The following SLC9A4 variants were observed in gnomAD, a reference collection of about 807,000 sequenced individuals.
The protein encoded by SLC9A4 is solute carrier family 9 member A4.
Under a neutral mutation model 67.4 loss-of-function variants are expected in SLC9A4, and 63 were observed. The ratio of observed to expected loss-of-function variants is 0.93; its 90% CI spans 0.76 to 1.15. The LOEUF (loss-of-function observed/expected upper bound fraction) is 1.15, where lower values mean the gene tolerates loss of function less well. Among genes scored for constraint, SLC9A4 ranks in the 50% most tolerant of loss-of-function variants. The pLI, the probability that SLC9A4 is intolerant of heterozygous loss-of-function variation, is 0.00. For missense variants in SLC9A4, 1,089 were observed against 987.7 expected, an observed-to-expected ratio of 1.10 and a Z score of -1.38; for synonymous variants, 393 against 367.2, an observed-to-expected ratio of 1.07 and a Z score of -0.80.
chr2:102,512,249 G>A lies in SLC9A4; in HGVS notation c.1535G>A (p.Trp512Ter). Residue 512 changes from tryptophan to a stop codon, truncating the protein, a stop_gained, in exon 7 of 12, where the codon TGG becomes TAG. Transcript: ENST00000295269. LOFTEE classifies it high-confidence loss of function. ...KAGIEDVCGHWSHYQVRDKFK... is the reference protein window; with the variant it reads ...KAGIEDVCGH ...GGAATCGAAGATGTGTGTGGGCACT[G>A]GAGTCACTACCAAGTGAGAGACAAG... is the stretch of plus-strand genomic sequence containing the variant. 1.2e-6 allele frequency: 2 copies of A among 1,614,088 alleles called. No individual in the cohort carries two copies. The highest frequency in any genetic ancestry group is 1.7e-6 in the Non-Finnish European group (2 of 1,179,990).
rs1685017711 is a variant in SLC9A4 at position 102,504,925 on chromosome 2, G to C, written c.981-329G>C. Reference sequence around the variant, plus strand: ...GGTTTAAGGCAGAGTAACGCAGAGAGTGTGAGTTGGGACTGACAAACTCTT... The same window carrying C: ...GGTTTAAGGCAGAGTAACGCAGAGACTGTGAGTTGGGACTGACAAACTCTT... On this transcript the variant is annotated intron_variant, in intron 3 of 11. Transcript: ENST00000295269. Among the ~76,000 whole-genome samples the C allele has an allele frequency of 2.5e-5, 3 of 119,504 alleles. No homozygotes were observed. In the Admixed American group the frequency reaches 2.7e-4, roughly 11 times the overall value. The allele number at this position is 119,504 out of a possible 152,430, so 78.4% of individuals were successfully genotyped here.
chr2:102,513,294 A>G (rs915485444), intron 7 of SLC9A4, among the ~76,000 whole-genome samples: 1 of 152,232 alleles, frequency 6.6e-6, no homozygotes, highest in Non-Finnish European at 1.5e-5. Flanking sequence ...CTCACAGACC[A>G]GGAAACCAAT....
intron 8 of SLC9A4, among the ~76,000 whole-genome samples, chr2:102,517,527 G>C (rs1328704252): frequency 2.0e-5 from 3 of 152,140 alleles, no homozygotes; most frequent in African/African-American, 7.2e-5. Context: ...AATAAGCTCT[G>C]GTGGTTGATA....
intron 2 of SLC9A4, among the ~76,000 whole-genome samples, chr2:102,483,799 CATATATAT>C (rs61195337): frequency 0.41 from 46,736 of 114,210 alleles, 10,490 homozygotes; most frequent in Admixed American, 0.54. Flanking sequence ...CCATGTACAG[CATATATAT>C]ATATATATAT....
intron 5 of SLC9A4, among the ~76,000 whole-genome samples, 180 bp downstream of exon 5, chr2:102,508,461 C>T (rs76746266): frequency 0.15 from 23,209 of 152,004 alleles, 2,055 homozygotes; most frequent in African/African-American, 0.24. Flanking sequence ...AAATGTATTG[C>T]CTTTTAATCA....
chr2:102,496,238 A>T (rs758417932), intron 2 of SLC9A4, among the ~76,000 whole-genome samples: 2 of 152,240 alleles, frequency 1.3e-5, no homozygotes, highest in Non-Finnish European at 2.9e-5. Flanking sequence ...ACCATAAAAG[A>T]TGATATACTC....
At chr2:102,496,128 A>G (rs1328297433) in intron 2 of SLC9A4, among the ~76,000 whole-genome samples, 3 of 152,242 alleles carry the variant, frequency 2.0e-5, no homozygotes, top group African/African-American at 7.2e-5. Flanking sequence ...TGCATTTCAC[A>G]AAAGACATAG....
intron 8 of SLC9A4, 54 bp downstream of exon 8, chr2:102,514,305 C>A: frequency 1.5e-6 from 2 of 1,334,876 alleles, no homozygotes; most frequent in South Asian, 1.3e-5. Context: ...TTCCAAGGGG[C>A]GCTGACTCAT....
chr2:102,490,020 C>T (rs1684663485), intron 2 of SLC9A4, among the ~76,000 whole-genome samples: 1 of 150,856 alleles, frequency 6.6e-6, no homozygotes, highest in Admixed American at 6.6e-5. Flanking sequence ...TTATGATATT[C>T]TTTGCATTTT....
At chr2:102,496,732 A>G (rs1684817778) in intron 2 of SLC9A4, among the ~76,000 whole-genome samples, 7 of 152,244 alleles carry the variant, frequency 4.6e-5, no homozygotes, top group Admixed American at 4.6e-4. Flanking sequence ...TACTGTACTT[A>G]CTTCACTTAC....
chr2:102,474,029 C>G lies in SLC9A4; in HGVS notation c.256+14C>G. The G allele has an allele frequency of 6.2e-7, 1 of 1,609,932 alleles. No homozygotes were observed. The highest frequency in any genetic ancestry group is 1.1e-5 in the South Asian group (1 of 90,838). On this transcript the variant is annotated intron_variant, in intron 1 of 11. Transcript: ENST00000295269. The stretch of plus-strand genomic sequence containing the variant: ...TTGCAAAAATAGGTAAGTCCTTAAA[C>G]ACCTGGTTTGGTGAGTTATCTTTTT...
chr2:102,502,872 C>T (rs1684971308), intron 2 of SLC9A4, among the ~76,000 whole-genome samples: 1 of 152,226 alleles, frequency 6.6e-6, no homozygotes, highest in African/African-American at 2.4e-5. Context: ...GCACGTGGGT[C>T]ATGCTGGGGC....
chr2:102,508,252 G>C lies in SLC9A4; in HGVS notation c.1372G>C (p.Val458Leu), dbSNP rs750182063. The C allele has an allele frequency of 5.6e-6, 9 of 1,613,760 alleles. No individual in the cohort carries two copies. The Admixed American group carries it at 1.5e-4, about 27-fold the overall frequency. Residue 458 changes from valine to leucine, a missense_variant, in exon 5 of 12, where the codon GTA becomes CTA. Coordinates refer to ENST00000295269, the MANE Select transcript of SLC9A4 (RefSeq NM_001011552.4). ...RKKMFVTATL[V>L]VIYFTVFIQG... Reference sequence around the variant, plus strand: ...GAAAATGTTTGTCACTGCTACTCTAGTAGTTATATACTTTACTGTATTTAT... The same window carrying C: ...GAAAATGTTTGTCACTGCTACTCTACTAGTTATATACTTTACTGTATTTAT...
chr2:102,481,528 T>C (rs1002866534), intron 2 of SLC9A4, among the ~76,000 whole-genome samples: 5 of 152,212 alleles, frequency 3.3e-5, no homozygotes, highest in African/African-American at 1.2e-4. Flanking sequence ...TGAATAATTT[T>C]TTTTAGTATA....
rs1404927598 is a variant in SLC9A4, at chr2:102,532,981, T to C, written c.*293T>C. 2 of 281,552 alleles carry C rather than the reference T, an allele frequency of 7.1e-6. No individual in the cohort carries two copies. Among genetic ancestry groups the C allele is most frequent in the East Asian group, 1.3e-4 (2 of 14,924 alleles). The allele number at this position is 281,552 out of a possible 1,614,324, so 17.4% of individuals were successfully genotyped here. On this transcript the variant is annotated 3_prime_UTR_variant, in exon 12 of 12. Transcript: ENST00000295269. ...CCTAAGAACTTTCTATCAAAAGCAT[T>C]GGATCCAAGCCATATATTGAAATAC...
At chr2:102,495,782 A>G (rs1259350878) in intron 2 of SLC9A4, among the ~76,000 whole-genome samples, 1 of 152,146 alleles carries the variant, frequency 6.6e-6, no homozygotes, top group Non-Finnish European at 1.5e-5. Context: ...CTGTTCAACA[A>G]ATGGTACTGA....
chr2:102,479,603 G>T (rs1684416012), intron 2 of SLC9A4, among the ~76,000 whole-genome samples: 2 of 152,224 alleles, frequency 1.3e-5, no homozygotes, highest in Admixed American at 1.3e-4. Context: ...AACAGAAACT[G>T]TTGCTAATGG....
intron 11 of SLC9A4, among the ~76,000 whole-genome samples, chr2:102,527,125 T>C (rs1674681480): frequency 6.6e-6 from 1 of 152,122 alleles, no homozygotes; most frequent in African/African-American, 2.4e-5. Flanking sequence ...AATCATTCAG[T>C]AGAGAAAAGC....
Position 102,532,823 on chromosome 2 carries a change from C to A in SLC9A4, c.*135C>A. On this transcript the variant is annotated 3_prime_UTR_variant, in exon 12 of 12. Coordinates refer to ENST00000295269, the MANE Select transcript of SLC9A4 (RefSeq NM_001011552.4). ...AAGCTATTAAACATGGATCTATAAG[C>A]AGCAGGAAGATTTTTTCCAAGGACT... 2 of 959,678 alleles carry A rather than the reference C, an allele frequency of 2.1e-6. No individual in the cohort carries two copies. The highest frequency in any genetic ancestry group is 3.0e-6 in the Non-Finnish European group (2 of 662,760). The allele number at this position is 959,678 out of a possible 1,614,324, so 59.4% of individuals were successfully genotyped here. A position where few individuals can be genotyped will look rare whatever the true frequency, so the allele number is the denominator to read the frequency against.
Sources: allele counts gnomAD v4.1 joint callset (sites outside exome capture counted in the v4.1 genomes callset), GRCh38; gene constraint gnomAD v4.1.1; transcripts MANE v1.5; gene names NCBI Gene and HGNC (gene_info 2026-07-23, HGNC 2026-07-21).